The following EYS variants were observed in gnomAD, a reference collection of about 807,000 sequenced individuals.
EYS encodes the protein protein eyes shut homolog.
EYS carries 250 observed loss-of-function variants against 282.1 expected under a neutral mutation model. The ratio of observed to expected loss-of-function variants is 0.89; its 90% CI spans 0.80 to 0.98. EYS has a LOEUF of 0.98. EYS is among the 50% of genes least tolerant of loss of function. EYS has a pLI of 0.00. For synonymous variants in EYS, 1,355 were observed against 1,282.9 expected (o/e 1.06, Z -1.20); for missense variants, 4,016 against 3,709.0 (o/e 1.08, Z -2.15).
At chr6:64,139,049 G>A (rs1774254344) in intron 31 of EYS, among the ~76,000 whole-genome samples, 1 of 152,022 alleles carries the variant, frequency 6.6e-6, no homozygotes, top group Non-Finnish European at 1.5e-5. Context: ...GTTGGCCTGG[G>A]GATGGGAGTT....
chr6:65,066,287 A>G lies in EYS; in HGVS notation c.2024-8560T>C, dbSNP rs116154498. ...ATTACATAAATTTCTTAAAGCTGTG[A>G]GTCATGTAAAAATTATCTTTGATTG... On this transcript the variant is annotated intron_variant, in intron 12 of 42. Coordinates refer to ENST00000503581, the MANE Select transcript of EYS (RefSeq NM_001142800.2). 6.1e-3 allele frequency among the ~76,000 whole-genome samples: 933 copies of G among 152,326 alleles called. 12 individuals are homozygous for G. Among genetic ancestry groups the G allele is most frequent in the African/African-American group, 0.021 (877 of 41,576 alleles).
At chr6:64,947,431 T>C (rs1769323833) in intron 14 of EYS, among the ~76,000 whole-genome samples, 1 of 151,846 alleles carries the variant, frequency 6.6e-6, no homozygotes, top group South Asian at 2.1e-4. Context: ...TAGGTATTAA[T>C]AACTAGCTTA....
At position 63,988,488 on chromosome 6, in the gene EYS, T is replaced by C. The variant is rs79711672; in HGVS notation, c.6835-3885A>G. Reference sequence around the variant, plus strand: ...CTTCTGATGTGAGGCTCATGCTTAGTTGGAGTCCTGAAATGTCTAAAAAAG... The same window carrying C: ...CTTCTGATGTGAGGCTCATGCTTAGCTGGAGTCCTGAAATGTCTAAAAAAG... On this transcript the variant is annotated intron_variant, in intron 34 of 42. Transcript: ENST00000503581. Among the ~76,000 whole-genome samples, 217 of 151,794 alleles carry C rather than the reference T, an allele frequency of 1.4e-3. 1 individual carries two copies. Among genetic ancestry groups the C allele is most frequent in the African/African-American group, 5.0e-3 (208 of 41,510 alleles).
chr6:64,800,919 G>A (rs1774525581), intron 22 of EYS, among the ~76,000 whole-genome samples: 1 of 151,938 alleles, frequency 6.6e-6, no homozygotes, highest in Non-Finnish European at 1.5e-5. Flanking sequence ...AGATTAATCT[G>A]CTATAATAGA....
intron 1 of EYS, among the ~76,000 whole-genome samples, chr6:65,656,563 C>T (rs1034979761): frequency 6.6e-6 from 1 of 151,772 alleles, no homozygotes; most frequent in African/African-American, 2.4e-5. Flanking sequence ...TACGTGAAGA[C>T]AGAGAGATGA....
intron 14 of EYS, among the ~76,000 whole-genome samples, chr6:64,979,487 C>T (rs1359350972): frequency 6.6e-6 from 1 of 151,612 alleles, no homozygotes; most frequent in Non-Finnish European, 1.5e-5. Flanking sequence ...CATTTAATAG[C>T]ATAATTCTGA....
At chr6:63,954,896 C>G (rs974829452) in intron 35 of EYS, among the ~76,000 whole-genome samples, 1 of 152,170 alleles carries the variant, frequency 6.6e-6, no homozygotes, top group Non-Finnish European at 1.5e-5. Context: ...CTTTCCATCA[C>G]GGAAATCTGT....
At position 64,742,640 on chromosome 6, in the gene EYS, T is replaced by C. The variant is rs76795313; in HGVS notation, c.3443+70738A>G. 5.1e-3 allele frequency among the ~76,000 whole-genome samples: 775 copies of C among 152,326 alleles called. 5 individuals carry two copies. Among genetic ancestry groups the C allele is most frequent in the African/African-American group, 0.018 (737 of 41,586 alleles). ...ATTTGGGAAGTGATGGATGTGGTTA[T>C]GTCCCTGATGGTAGTGATGGGTTCA... On this transcript the variant is annotated intron_variant, in intron 22 of 42. Transcript: ENST00000503581.
intron 26 of EYS, among the ~76,000 whole-genome samples, chr6:64,490,575 A>G (rs1313799889): frequency 6.6e-6 from 1 of 150,886 alleles, no homozygotes; most frequent in Non-Finnish European, 1.5e-5. Context: ...CAGCATTCAA[A>G]TTAAGATGTG....
intron 35 of EYS, among the ~76,000 whole-genome samples, chr6:63,981,841 A>C (rs1767112218): frequency 6.6e-6 from 1 of 151,348 alleles, no homozygotes; most frequent in Admixed American, 6.6e-5. Context: ...TAGAATAAAA[A>C]CTCTTTGTGT....
intron 1 of EYS, among the ~76,000 whole-genome samples, chr6:65,686,838 T>C (rs1221441883): frequency 6.6e-6 from 1 of 152,024 alleles, no homozygotes; most frequent in Non-Finnish European, 1.5e-5. Context: ...AGCTGGGTAT[T>C]GACACTGGTA....
intron 4 of EYS, chr6:65,491,598 A>T (rs1766046322): frequency 7.1e-6 from 3 of 422,770 alleles, no homozygotes; most frequent in Non-Finnish European, 1.4e-5. Flanking sequence ...CCCTAAATGT[A>T]ATGAAAATAT....
chr6:64,727,047 G>A (rs908239148), intron 22 of EYS, among the ~76,000 whole-genome samples: 3 of 152,122 alleles, frequency 2.0e-5, no homozygotes, highest in African/African-American at 4.8e-5. Flanking sequence ...GCATACTGAT[G>A]TTACTGAAAT....
chr6:65,400,055 A>G (rs938192049), intron 7 of EYS, among the ~76,000 whole-genome samples: 1 of 152,048 alleles, frequency 6.6e-6, no homozygotes, highest in African/African-American at 2.4e-5. Flanking sequence ...AAGTATCAAC[A>G]TGCAAAAGTG....
chr6:64,485,953 A>G (rs938804753), intron 26 of EYS, among the ~76,000 whole-genome samples: 1 of 151,442 alleles, frequency 6.6e-6, no homozygotes, highest in African/African-American at 2.4e-5. Context: ...ATAATAGCAG[A>G]CTCAGAAAGA....
At chr6:64,989,205 A>C (rs2150121243) in intron 14 of EYS, among the ~76,000 whole-genome samples, 1 of 150,834 alleles carries the variant, frequency 6.6e-6, no homozygotes, top group South Asian at 2.1e-4. Context: ...AAGGTAACAC[A>C]GCTGGTGAGG....
At chr6:65,612,345 G>A (rs999910535) in intron 2 of EYS, among the ~76,000 whole-genome samples, 4 of 151,564 alleles carry the variant, frequency 2.6e-5, no homozygotes, top group Admixed American at 2.6e-4. Flanking sequence ...CCTTGATACT[G>A]ATTCGGATTG....
intron 26 of EYS, among the ~76,000 whole-genome samples, chr6:64,586,916 T>G (rs1441441122): frequency 1.3e-5 from 2 of 152,128 alleles, no homozygotes; most frequent in Non-Finnish European, 2.9e-5. Flanking sequence ...AGAGTTATAT[T>G]GCTGTAGGAA....
chr6:64,593,184 G>T lies in EYS; in HGVS notation c.3810C>A (p.Val1270=). The stretch of plus-strand genomic sequence containing the variant: ...TAGCCTTTATAGATGGAAAGCTGCT[G>T]ACCAAAGTCTCAGAAGGGGGAATTG... ...TYTIPPSETL[V]SSFPSIKATR... is the part of the protein sequence containing the mutation. The change falls in exon 25 of 43, where the codon GTC becomes GTA. Residue 1270 remains valine, a synonymous_variant. Transcript: ENST00000503581. 4 of 1,549,886 alleles carry T rather than the reference G, an allele frequency of 2.6e-6. No homozygotes were observed. Among genetic ancestry groups the T allele is most frequent in the Non-Finnish European group, 3.5e-6 (4 of 1,146,154 alleles).
Sources: allele counts gnomAD v4.1 joint callset (sites outside exome capture counted in the v4.1 genomes callset), GRCh38; gene constraint gnomAD v4.1.1; transcripts MANE v1.5; gene names NCBI Gene and HGNC (gene_info 2026-07-23, HGNC 2026-07-21).